The following EVL variants were observed in gnomAD, a reference collection of about 807,000 sequenced individuals.
The protein encoded by EVL is ena/VASP-like protein.
Under a neutral mutation model 59.6 loss-of-function variants are expected in EVL, and 21 were observed. The ratio of observed to expected loss-of-function variants is 0.35; its 90% confidence interval spans 0.25 to 0.51. EVL has a LOEUF of 0.51. Among genes scored for constraint, EVL ranks in the 20% least tolerant of loss-of-function variants. EVL has a pLI of 0.97. For missense variants in EVL, 462 were observed against 546.6 expected, an observed-to-expected ratio of 0.85 and a Z score of 1.54; for synonymous variants, 198 against 203.5, an observed-to-expected ratio of 0.97 and a Z score of 0.23.
At chr14:100,067,066 G>A (rs762586459) in intron 1 of EVL, among the ~76,000 whole-genome samples, 32 of 152,154 alleles carry the variant, frequency 2.1e-4, no homozygotes, top group Non-Finnish European at 4.3e-4. Flanking sequence ...ACGGGGAGCG[G>A]AGTAGTGGCT....
At chr14:100,136,023 G>T in intron 9 of EVL, 55 bp downstream of exon 9, 1 of 1,595,948 alleles carries the variant, frequency 6.3e-7, no homozygotes. Flanking sequence ...AGAGTGGGAG[G>T]GGGGACCCTT....
chr14:100,016,487 C>G (rs980753681), intron 1 of EVL, among the ~76,000 whole-genome samples: 6 of 152,226 alleles, frequency 3.9e-5, no homozygotes, highest in Admixed American at 3.3e-4. Flanking sequence ...TGAGATTGCG[C>G]CACTGCACTG....
chr14:99,979,568 T>G (rs2060793165), intron 1 of EVL, among the ~76,000 whole-genome samples: 1 of 152,184 alleles, frequency 6.6e-6, no homozygotes. Context: ...AAATATTTTT[T>G]TTAAAAAAAG....
intron 1 of EVL, among the ~76,000 whole-genome samples, chr14:100,002,947 T>C (rs561489911): frequency 3.5e-4 from 54 of 152,334 alleles, no homozygotes; most frequent in Middle Eastern, 6.8e-3. Flanking sequence ...TTGACCATAA[T>C]ATATAACTTC....
At chr14:99,976,827 C>T (rs182698635) in intron 1 of EVL, among the ~76,000 whole-genome samples, 96 of 152,322 alleles carry the variant, frequency 6.3e-4, no homozygotes, top group Admixed American at 1.6e-3. Context: ...AATCTTTTAG[C>T]ATTCCCTTCA....
intron 1 of EVL, chr14:99,977,167 A>G (rs2060775943): frequency 6.6e-6 from 1 of 152,168 alleles, no homozygotes. Flanking sequence ...TATCTCTGCC[A>G]GTTTGTGAAA....
At chr14:100,040,239 TCTC>T (rs916655780) in intron 1 of EVL, among the ~76,000 whole-genome samples, 2 of 152,046 alleles carry the variant, frequency 1.3e-5, no homozygotes, top group East Asian at 1.9e-4. Context: ...CTTTTTTCTC[TCTC>T]CTCCTTTCTT....
At position 100,109,321 on chromosome 14, in the gene EVL, A is replaced by G. The variant is rs369044203; in HGVS notation, c.358+11663A>G. 4.0e-5 allele frequency: 14 copies of G among 350,438 alleles called. 1 individual carries two copies. Among genetic ancestry groups the G allele is most frequent in the African/African-American group, 2.1e-4 (10 of 46,612 alleles). 21.7% of individuals were successfully genotyped at this position (350,438 alleles called of 1,614,324 possible). A position where few individuals can be genotyped will look rare whatever the true frequency, so the allele number is the denominator to read the frequency against. On this transcript the variant is annotated intron_variant, in intron 3 of 13. Transcript: ENST00000392920. The surrounding 1 kb of genome is among the most constrained non-coding windows in gnomAD (Gnocchi z 4.3). The stretch of plus-strand genomic sequence containing the variant: ...CCATACTCCTGGTCACCTTCTGCTC[A>G]TCCTTTGCCCTGCTGTTGTGAAGCC...
intron 1 of EVL, among the ~76,000 whole-genome samples, chr14:100,042,055 T>C (rs2061475430): frequency 6.6e-6 from 1 of 152,228 alleles, no homozygotes; most frequent in Admixed American, 6.5e-5. Flanking sequence ...TGGATCATAT[T>C]AATTTAAAAA....
intron 11 of EVL, 161 bp downstream of exon 11, chr14:100,137,963 G>C (rs1388010882): frequency 1.5e-6 from 1 of 670,890 alleles, no homozygotes; most frequent in Non-Finnish European, 2.6e-6. Context: ...TCGGGGTCCT[G>C]TCAGTCAGCT....
At chr14:99,982,242 T>A (rs1211066956) in intron 1 of EVL, among the ~76,000 whole-genome samples, 1 of 152,226 alleles carries the variant, frequency 6.6e-6, no homozygotes, top group Non-Finnish European at 1.5e-5. Flanking sequence ...ATTGTACATT[T>A]GATATATGTG....
At chr14:99,988,910 G>C (rs2060858338) in intron 1 of EVL, among the ~76,000 whole-genome samples, 1 of 152,170 alleles carries the variant, frequency 6.6e-6, no homozygotes, top group South Asian at 2.1e-4. Context: ...GTGGGTGGAG[G>C]GTGTGGGGCT....
chr14:100,139,902 G>A (rs1350827732), intron 11 of EVL: 1 of 152,250 alleles, frequency 6.6e-6, no homozygotes, highest in Non-Finnish European at 1.5e-5. Context: ...ATGTTTAAAA[G>A]ACCAGAGAGA....
intron 1 of EVL, among the ~76,000 whole-genome samples, chr14:100,036,835 C>T (rs992446210): frequency 6.6e-6 from 1 of 152,126 alleles, no homozygotes; most frequent in African/African-American, 2.4e-5. Context: ...CTGGTTGAAG[C>T]CCCTGACCTC....
At chr14:100,103,073 G>C (rs2092299070) in intron 3 of EVL, among the ~76,000 whole-genome samples, 1 of 142,448 alleles carries the variant, frequency 7.0e-6, no homozygotes, top group Non-Finnish European at 1.5e-5. Flanking sequence ...CTGCACTCCA[G>C]CCTGGCAACA....
rs76498147 is a variant in EVL at position 100,106,998 on chromosome 14, C to T, written c.358+9340C>T. The T allele has an allele frequency of 6.1e-3, 2,416 of 398,662 alleles. 53 individuals are homozygous for T. The highest frequency in any genetic ancestry group is 0.046 in the African/African-American group (2,217 of 48,722). The allele number at this position is 398,662 out of a possible 1,614,324, so 24.7% of individuals were successfully genotyped here. ...GCAGGAAGAGTGCATGTCCTGGAGC[C>T]GGGCTACGTTGGGTCTGTGTGACCC... On this transcript the variant is annotated intron_variant, in intron 3 of 13. Coordinates refer to ENST00000392920, the MANE Select transcript of EVL (RefSeq NM_016337.3).
chr14:100,102,030 G>A (rs1477580322), intron 3 of EVL, among the ~76,000 whole-genome samples: 5 of 152,056 alleles, frequency 3.3e-5, no homozygotes, highest in African/African-American at 1.2e-4. Context: ...TAGAGACGAG[G>A]TTTCACCATG....
chr14:100,058,602 A>G lies in EVL; in HGVS notation c.6-26085A>G, dbSNP rs567517045. 2.6e-5 allele frequency among the ~76,000 whole-genome samples: 4 copies of G among 152,274 alleles called. No individual in the cohort carries two copies. In the South Asian group the frequency reaches 8.3e-4, roughly 32 times the overall value. On this transcript the variant is annotated intron_variant, in intron 1 of 13. Coordinates refer to the EVL transcript ENST00000402714. ...CAACATTTTCTATTGCCCTGACATG[A>G]ACGATTTAGGAATTGGTACCACTCC...
intron 3 of EVL, among the ~76,000 whole-genome samples, chr14:100,112,202 C>G (rs551851808): frequency 2.4e-4 from 36 of 152,308 alleles, no homozygotes; most frequent in African/African-American, 8.7e-4. Context: ...CTCAGAAAGC[C>G]AACTGCTGAA....
Sources: allele counts gnomAD v4.1 joint callset (sites outside exome capture counted in the v4.1 genomes callset), GRCh38; gene constraint gnomAD v4.1.1; non-coding constraint Gnocchi (gnomAD v3.1); transcripts MANE v1.5; gene names NCBI Gene and HGNC (gene_info 2026-07-23, HGNC 2026-07-21).